Variants in EIF2S1 observed in about 807,000 individuals in gnomAD.
EIF2S1 encodes eukaryotic translation initiation factor 2 subunit 1.
Under a neutral mutation model 33.5 loss-of-function variants are expected in EIF2S1, and 5 were observed. The ratio of observed to expected loss-of-function variants is 0.15; its 90% CI spans 0.08 to 0.31. EIF2S1 has a LOEUF of 0.31. Ranked by LOEUF, EIF2S1 falls within the 10% of genes least tolerant of loss-of-function variation. EIF2S1 has a pLI of 1.00. For missense variants in EIF2S1, 191 were observed against 384.6 expected, an observed-to-expected ratio of 0.50 and a Z score of 4.21; for synonymous variants, 99 against 127.5, an observed-to-expected ratio of 0.78 and a Z score of 1.51.
Position 67,383,945 on chromosome 14 carries a change from G to A in EIF2S1, c.*505G>A, listed in dbSNP as rs2085904217. The A allele has an allele frequency of 5.6e-6, 1 of 179,678 alleles. No homozygotes were observed. The highest frequency in any genetic ancestry group is 2.4e-5 in the African/African-American group (1 of 41,674). 11.1% of individuals were successfully genotyped at this position (179,678 alleles called of 1,614,324 possible). A position where few individuals can be genotyped will look rare whatever the true frequency, so the allele number is the denominator to read the frequency against. The stretch of plus-strand genomic sequence containing the variant: ...CTTTTATCTTTATTTTAGTCTTGAT[G>A]TGGAACTGTAGGAGCAGGTGAATAA... On this transcript the variant is annotated 3_prime_UTR_variant, in exon 8 of 8. Coordinates refer to ENST00000256383, the MANE Select transcript of EIF2S1 (RefSeq NM_004094.5).
Position 67,383,518 on chromosome 14 carries a change from C to T in EIF2S1, c.*78C>T. 3.2e-6 allele frequency: 5 copies of T among 1,579,522 alleles called. No homozygotes were observed. The highest frequency in any genetic ancestry group is 4.3e-6 in the Non-Finnish European group (5 of 1,158,700). ...TGTAAATCCTAGACTTGAAAGTTTT[C>T]CAGTATTGAAAACTTCAAAGCTGAA... On this transcript the variant is annotated 3_prime_UTR_variant, in exon 8 of 8. Transcript: ENST00000256383.
chr14:67,381,151 A>C (rs895422230), intron 5 of EIF2S1, among the ~76,000 whole-genome samples: 1 of 152,208 alleles, frequency 6.6e-6, no homozygotes, highest in Non-Finnish European at 1.5e-5. Context: ...GAACATAGGA[A>C]TCTTTCTCAT....
At chr14:67,372,688 C>T (rs1004140225) in intron 2 of EIF2S1, among the ~76,000 whole-genome samples, 1 of 151,896 alleles carries the variant, frequency 6.6e-6, no homozygotes, top group African/African-American at 2.4e-5. Flanking sequence ...AATTAGCGGG[C>T]ATAGTGGTGC....
chr14:67,376,464 C>T lies in EIF2S1; in HGVS notation c.347C>T (p.Ala116Val), dbSNP rs1199772487. The T allele has an allele frequency of 1.2e-6, 2 of 1,612,690 alleles. No homozygotes were observed. The highest frequency in any genetic ancestry group is 8.5e-7 in the Non-Finnish European group (1 of 1,179,240). ...KTVYSILRHV[A>V]EVLEYTKDEQ... ...GTTTATAGCATTCTTCGTCATGTTGCTGAGGTGTTAGAATACACCAAGGAT... is the reference window on the plus strand; with the variant it reads ...GTTTATAGCATTCTTCGTCATGTTGTTGAGGTGTTAGAATACACCAAGGAT... The change falls in exon 4 of 8, where the codon GCT becomes GTT. Residue 116 changes from alanine to valine, a missense_variant. By Grantham distance (64) the Ala-to-Val change is moderately conservative. Coordinates refer to ENST00000256383, the MANE Select transcript of EIF2S1 (RefSeq NM_004094.5).
At chr14:67,366,082 T>C (rs2085776448) in intron 2 of EIF2S1, among the ~76,000 whole-genome samples, 1 of 130,486 alleles carries the variant, frequency 7.7e-6, no homozygotes, top group Non-Finnish European at 1.7e-5. Flanking sequence ...AATCTTGTAC[T>C]TTTTTTTTTT....
chr14:67,374,401 C>CA (rs2085845721), intron 2 of EIF2S1, 67 bp from the exon 3 acceptor site: 1 of 939,314 alleles, frequency 1.1e-6, no homozygotes, highest in Admixed American at 2.7e-5. Flanking sequence ...ATTTGGTCTT[C>CA]AAAGCTGGTT....
chr14:67,379,816 G>C (rs995250140), intron 4 of EIF2S1, among the ~76,000 whole-genome samples: 1 of 150,448 alleles, frequency 6.6e-6, no homozygotes, highest in South Asian at 2.1e-4. Context: ...CACTACGCCC[G>C]GCTAATTTTT....
chr14:67,382,775 A>G (rs1226122903), intron 7 of EIF2S1, 185 bp downstream of exon 7: 19 of 609,210 alleles, frequency 3.1e-5, no homozygotes, highest in Middle Eastern at 9.0e-4. Context: ...AACAATATAA[A>G]TGAGAAGTTT....
At chr14:67,368,114 C>A (rs1215905127) in intron 2 of EIF2S1, among the ~76,000 whole-genome samples, 1 of 152,132 alleles carries the variant, frequency 6.6e-6, no homozygotes. Context: ...CATGGGGAAG[C>A]ACCAGTTTTA....
At chr14:67,375,090 A>G (rs1471618975) in intron 3 of EIF2S1, among the ~76,000 whole-genome samples, 1 of 152,118 alleles carries the variant, frequency 6.6e-6, no homozygotes, top group East Asian at 1.9e-4. Flanking sequence ...TTCTTTTTGC[A>G]TTCTTATTTT....
chr14:67,368,639 AATAG>A (rs2085797335), intron 2 of EIF2S1, among the ~76,000 whole-genome samples: 1 of 151,808 alleles, frequency 6.6e-6, no homozygotes, highest in South Asian at 2.1e-4. Context: ...GTGTGGGGTA[AATAG>A]ATCTATATGA....
chr14:67,368,954 G>GA (rs1460502478), intron 2 of EIF2S1, among the ~76,000 whole-genome samples: 1 of 151,680 alleles, frequency 6.6e-6, no homozygotes, highest in East Asian at 1.9e-4. Context: ...AAACTCAAAA[G>GA]AAAAAAACAA....
chr14:67,378,807 A>G (rs2085871286), intron 4 of EIF2S1, among the ~76,000 whole-genome samples: 1 of 152,230 alleles, frequency 6.6e-6, no homozygotes, highest in African/African-American at 2.4e-5. Flanking sequence ...TTTTAATTAC[A>G]TAAAATTTCT....
intron 2 of EIF2S1, among the ~76,000 whole-genome samples, chr14:67,370,781 T>C (rs536370893): frequency 2.8e-4 from 42 of 152,178 alleles, no homozygotes; most frequent in Non-Finnish European, 5.6e-4. Context: ...ATTCCAGCAC[T>C]TTGGGAGGTT....
intron 3 of EIF2S1, among the ~76,000 whole-genome samples, chr14:67,375,316 C>T (rs950562153): frequency 1.3e-5 from 2 of 150,952 alleles, no homozygotes; most frequent in African/African-American, 2.4e-5. Flanking sequence ...AGTGTAGTGG[C>T]GCAATCTCAA....
intron 2 of EIF2S1, 36 bp from the exon 3 acceptor site, chr14:67,374,431 TG>T: frequency 7.2e-7 from 1 of 1,395,826 alleles, no homozygotes; most frequent in Non-Finnish European, 1.0e-6. Flanking sequence ...CAGTGGCATC[TG>T]GACAGAGATG....
At chr14:67,383,185 A>G (rs2085899145) in intron 7 of EIF2S1, 130 bp from the exon 8 acceptor site, 6 of 1,028,250 alleles carry the variant, frequency 5.8e-6, no homozygotes. Flanking sequence ...AAGTCACTCA[A>G]AAGTGAACAG....
chr14:67,376,365 A>G (rs1408024192), intron 3 of EIF2S1, 74 bp from the exon 4 acceptor site: 2 of 1,365,882 alleles, frequency 1.5e-6, no homozygotes, highest in Admixed American at 2.5e-5. Context: ...AAATTATGTT[A>G]TTTACTAAAA....
chr14:67,368,327 T>G (rs1050520268), intron 2 of EIF2S1, among the ~76,000 whole-genome samples: 3 of 152,154 alleles, frequency 2.0e-5, no homozygotes, highest in African/African-American at 4.8e-5. Flanking sequence ...GCTTGGTGTA[T>G]GAGTTTATGG....
Sources: gnomAD v4.1 joint callset for allele counts (sites outside exome capture counted in the v4.1 genomes callset) on GRCh38, gnomAD v4.1.1 for gene constraint, MANE v1.5 for transcripts, NCBI Gene and HGNC (gene_info 2026-07-23, HGNC 2026-07-21) for gene names.